The following HECW2 variants were observed in gnomAD, a reference collection of about 807,000 sequenced individuals.
HECW2 encodes the protein HECT, C2 and WW domain containing E3 ubiquitin protein ligase 2, also known as E3 ubiquitin-protein ligase HECW2.
HECW2 carries 61 observed loss-of-function variants against 175.2 expected under a neutral mutation model. The observed-to-expected ratio is 0.35, with a 90% CI of 0.28 to 0.43. HECW2 has a LOEUF of 0.43. HECW2 is among the 20% of genes least tolerant of loss of function. HECW2 has a pLI of 1.00. For missense variants in HECW2, 1,524 were observed against 2,000.5 expected, an observed-to-expected ratio of 0.76 and a Z score of 4.54; for synonymous variants, 671 against 731.0, an observed-to-expected ratio of 0.92 and a Z score of 1.32.
At chr2:196,430,307 A>C (rs772000193) in intron 2 of HECW2, among the ~76,000 whole-genome samples, 7 of 152,240 alleles carry the variant, frequency 4.6e-5, no homozygotes, top group Non-Finnish European at 7.3e-5. Context: ...ATTAGAAAAA[A>C]AATCAACACT....
chr2:196,442,912 G>C (rs539202483), intron 1 of HECW2, among the ~76,000 whole-genome samples: 1 of 151,930 alleles, frequency 6.6e-6, no homozygotes, highest in East Asian at 1.9e-4. Flanking sequence ...GGTTATCTTC[G>C]AGGGCTCCTT....
intron 1 of HECW2, among the ~76,000 whole-genome samples, chr2:196,470,636 G>C (rs1351887124): frequency 6.6e-6 from 1 of 152,104 alleles, no homozygotes; most frequent in East Asian, 1.9e-4. Flanking sequence ...TACATTAGAT[G>C]AGTAAGATAG....
chr2:196,527,004 AC>A (rs1688679263), intron 1 of HECW2, among the ~76,000 whole-genome samples: 7 of 152,086 alleles, frequency 4.6e-5, no homozygotes, highest in Admixed American at 4.6e-4. Flanking sequence ...GGTGGGCTCC[AC>A]CCAGTTGGAG....
chr2:196,332,226 C>G (rs1242330026), intron 4 of HECW2, among the ~76,000 whole-genome samples: 2 of 152,082 alleles, frequency 1.3e-5, no homozygotes, highest in African/African-American at 2.4e-5. Flanking sequence ...TTCTTTGTAT[C>G]TGGCCATGGT....
At chr2:196,576,759 T>C (rs1407086234) in intron 1 of HECW2, among the ~76,000 whole-genome samples, 1 of 152,204 alleles carries the variant, frequency 6.6e-6, no homozygotes, top group African/African-American at 2.4e-5. Flanking sequence ...TTAACAAGCA[T>C]TGTGGTGATC....
At chr2:196,275,686 T>C (rs907129155) in intron 15 of HECW2, among the ~76,000 whole-genome samples, 1 of 150,962 alleles carries the variant, frequency 6.6e-6, no homozygotes, top group Non-Finnish European at 1.5e-5. Context: ...CGGGAGGTGG[T>C]GGTTGCAGTG....
chr2:196,514,604 G>T (rs1055569653), intron 1 of HECW2, among the ~76,000 whole-genome samples: 1 of 152,078 alleles, frequency 6.6e-6, no homozygotes, highest in Non-Finnish European at 1.5e-5. Context: ...TGGACCAATC[G>T]GCATGCACTC....
chr2:196,231,145 G>A (rs544845285), intron 21 of HECW2, among the ~76,000 whole-genome samples: 2 of 137,932 alleles, frequency 1.4e-5, no homozygotes, highest in Non-Finnish European at 3.1e-5. Context: ...TACTTTTCCC[G>A]ATTAAAATTT....
intron 2 of HECW2, among the ~76,000 whole-genome samples, chr2:196,388,175 G>A (rs1025495070): frequency 6.6e-6 from 1 of 152,024 alleles, no homozygotes; most frequent in South Asian, 2.1e-4. Flanking sequence ...GCATGCACCT[G>A]TAGTCTCAGC....
chr2:196,273,137 G>A (rs1044941221), intron 16 of HECW2, among the ~76,000 whole-genome samples: 15 of 143,518 alleles, frequency 1.0e-4, no homozygotes, highest in Non-Finnish European at 1.9e-4. Flanking sequence ...GTGCAATCTC[G>A]GCTCACTGGA....
chr2:196,237,490 T>C lies in HECW2; in HGVS notation c.3764+2959A>G, dbSNP rs144908332. Among the ~76,000 whole-genome samples the C allele has an allele frequency of 8.9e-3, 1,351 of 152,320 alleles. 15 individuals are homozygous for C. The highest frequency in any genetic ancestry group is 0.03 in the African/African-American group (1,250 of 41,570). ...CTTCACTTAGAATAATGGTCTCCAA[T>C]TCCATCCAGGTTGCTGTGAATGTCA... is the stretch of plus-strand genomic sequence containing the variant. On this transcript the variant is annotated intron_variant, in intron 21 of 28. Coordinates refer to ENST00000644978, the MANE Select transcript of HECW2 (RefSeq NM_001348768.2).
At chr2:196,459,064 T>G (rs1432752948) in intron 1 of HECW2, among the ~76,000 whole-genome samples, 3 of 152,142 alleles carry the variant, frequency 2.0e-5, no homozygotes, top group Non-Finnish European at 2.9e-5. Flanking sequence ...CTGGGAGAGA[T>G]AATGCTAAAA....
intron 2 of HECW2, among the ~76,000 whole-genome samples, chr2:196,406,648 C>A (rs750737767): frequency 6.6e-6 from 1 of 152,222 alleles, no homozygotes; most frequent in African/African-American, 2.4e-5. Context: ...CAACCTTCTT[C>A]TCTGAACCCA....
At chr2:196,372,206 T>G (rs906492985) in intron 2 of HECW2, among the ~76,000 whole-genome samples, 1 of 152,228 alleles carries the variant, frequency 6.6e-6, no homozygotes, top group Non-Finnish European at 1.5e-5. Flanking sequence ...AATGATTTTC[T>G]TGATATGTGG....
At chr2:196,557,178 C>G (rs28630019) in intron 1 of HECW2, among the ~76,000 whole-genome samples, 1 of 152,084 alleles carries the variant, frequency 6.6e-6, no homozygotes, top group East Asian at 1.9e-4. Flanking sequence ...GGCGGATCAC[C>G]TGAGGTCAGG....
chr2:196,357,468 C>T (rs1693418080), intron 2 of HECW2, among the ~76,000 whole-genome samples: 1 of 152,216 alleles, frequency 6.6e-6, no homozygotes, highest in Admixed American at 6.5e-5. Flanking sequence ...TTTCCCCACA[C>T]TCAATTTTAA....
chr2:196,404,677 C>T (rs1428880694), intron 2 of HECW2, among the ~76,000 whole-genome samples: 1 of 152,024 alleles, frequency 6.6e-6, no homozygotes, highest in Non-Finnish European at 1.5e-5. Context: ...CTACAGAAAC[C>T]CTTCCATCTC....
intron 25 of HECW2, among the ~76,000 whole-genome samples, chr2:196,220,392 G>A (rs565487644): frequency 3.3e-5 from 5 of 152,224 alleles, no homozygotes; most frequent in Admixed American, 6.5e-5. Flanking sequence ...TCTAGGTCCC[G>A]TCCACCTTTA....
rs151142563 is a variant in HECW2 at position 196,209,908 on chromosome 2, C to T, written c.4607+5957G>A. 6.2e-3 allele frequency among the ~76,000 whole-genome samples: 936 copies of T among 152,164 alleles called. 6 individuals are homozygous for T. Among genetic ancestry groups the T allele is most frequent in the Non-Finnish European group, 0.011 (757 of 67,966 alleles). ...CCTCCCGAGTAGATGGGGCTACAGG[C>T]GCCCACCACCACGCCCGGCCAACTT... On this transcript the variant is annotated intron_variant, in intron 28 of 28. Transcript: ENST00000644978.
Sources: gnomAD v4.1 joint callset for allele counts (sites outside exome capture counted in the v4.1 genomes callset) on GRCh38, gnomAD v4.1.1 for gene constraint, MANE v1.5 for transcripts, NCBI Gene and HGNC (gene_info 2026-07-23, HGNC 2026-07-21) for gene names.